The following PLA2G2F variants were observed in gnomAD, a reference collection of about 807,000 sequenced individuals.
The protein encoded by PLA2G2F is phospholipase A2 group IIF, also known as group IIF secretory phospholipase A2.
PLA2G2F carries 17 observed loss-of-function variants against 15.9 expected under a neutral mutation model. The ratio of observed to expected loss-of-function variants is 1.07; its 90% CI spans 0.73 to 1.60. The LOEUF (loss-of-function observed/expected upper bound fraction) is 1.60. Ranked by LOEUF, PLA2G2F falls within the 40% of genes most tolerant of loss-of-function variation. The pLI is 0.00. For synonymous variants in PLA2G2F, 119 were observed against 106.5 expected (o/e 1.12, Z -0.72); for missense variants, 299 against 278.2 (o/e 1.07, Z -0.53).
rs1475336005 is a variant in PLA2G2F, at chr1:20,148,687, G to C, written c.*286G>C. 1 of 457,530 alleles carries C rather than the reference G, an allele frequency of 2.2e-6. No individual in the cohort carries two copies. Among genetic ancestry groups the C allele is most frequent in the Non-Finnish European group, 3.9e-6 (1 of 254,056 alleles). 28.3% of individuals were successfully genotyped at this position (457,530 alleles called of 1,614,324 possible). A position where few individuals can be genotyped will look rare whatever the true frequency, so the allele number is the denominator to read the frequency against. ...AGGGTGGCCGGGGAGACCTGAGAGA[G>C]AGGAGGAGGGGCCTCTGAGTGGGGC... On this transcript the variant is annotated 3_prime_UTR_variant, in exon 5 of 5. Transcript: ENST00000375102.
Position 20,144,689 on chromosome 1 carries a change from A to C in PLA2G2F, c.424A>C (p.Ser142Arg). The change falls in exon 4 of 5, where the codon AGT (serine) becomes CGT (arginine). Residue 142 changes from serine (S) to arginine (R), a missense_variant and splice_region_variant. Physicochemically the swap from Ser to Arg is moderately radical, Grantham distance 110. Transcript: ENST00000375102. ...CGAGAACAACACTGAGATAGTCTGC[A>C]GTGAGTCCCTCCCCTGTCACCTGGG... is the stretch of plus-strand genomic sequence containing the variant. Reference protein sequence around the residue: ...TIENNTEIVCSDLNKTECDKQ... With the variant: ...TIENNTEIVCRDLNKTECDKQ... 6.3e-7 allele frequency: 1 copy of C among 1,595,976 alleles called. No homozygotes were observed.
chr1:20,148,326 C>A lies in PLA2G2F; in HGVS notation c.561C>A (p.Asn187Lys). The change falls in exon 5 of 5, where the codon AAC (asparagine) becomes AAA (lysine). Residue 187 changes from asparagine (N) to lysine (K), a missense_variant. Asn to Lys is a moderately conservative substitution (Grantham distance 94). Transcript: ENST00000375102. ...TCTACTGCCAGGGCCCCACGCCCAA[C>A]TGCAGCATCTATGAACCGCCCCCTG... ...LNVYCQGPTPNCSIYEPPPEE... is the reference protein window; with the variant it reads ...LNVYCQGPTPKCSIYEPPPEE... The A allele has an allele frequency of 1.2e-6, 2 of 1,614,136 alleles. No homozygotes were observed. Among genetic ancestry groups the A allele is most frequent in the Non-Finnish European group, 1.7e-6 (2 of 1,180,014 alleles).
intron 3 of PLA2G2F, among the ~76,000 whole-genome samples, chr1:20,144,285 G>T (rs922362203): frequency 6.6e-6 from 1 of 152,172 alleles, no homozygotes; most frequent in Non-Finnish European, 1.5e-5. Flanking sequence ...CTGCAGCCGG[G>T]GCTCTGGGGG....
At chr1:20,143,699 G>C in intron 3 of PLA2G2F, 109 bp downstream of exon 3, 1 of 1,364,188 alleles carries the variant, frequency 7.3e-7, no homozygotes, top group South Asian at 1.4e-5. Flanking sequence ...TTCCCCAAAG[G>C]ATCCAGCTTC....
Position 20,139,409 on chromosome 1 carries a change from GC to G in PLA2G2F, c.-13del. 2 of 1,538,794 alleles carry G rather than the reference GC, an allele frequency of 1.3e-6. No homozygotes were observed. Among genetic ancestry groups the G allele is most frequent in the Admixed American group, 2.0e-5 (1 of 51,098 alleles). On this transcript the variant is annotated 5_prime_UTR_variant, in exon 1 of 5. Transcript: ENST00000375102. ...AGACCTTCTGAGACCTATGTTGCTG[GC>G]CCCCCAGAACCCGCAACATGGCAGA...
At chr1:20,143,654 C>A in intron 3 of PLA2G2F, 64 bp downstream of exon 3, 1 of 1,574,080 alleles carries the variant, frequency 6.4e-7, no homozygotes, top group South Asian at 1.1e-5. Context: ...GTCAGACTGA[C>A]CTTGCCCTCC....
At chr1:20,144,411 G>A (rs935349832) in intron 3 of PLA2G2F, among the ~76,000 whole-genome samples, 169 bp from the exon 4 acceptor site, 10 of 152,172 alleles carry the variant, frequency 6.6e-5, no homozygotes, top group Admixed American at 1.3e-4. Context: ...CTGGGGTGCC[G>A]GCCCCAGCTC....
At chr1:20,145,578 C>G (rs1405943184) in intron 4 of PLA2G2F, among the ~76,000 whole-genome samples, 1 of 151,854 alleles carries the variant, frequency 6.6e-6, no homozygotes, top group Non-Finnish European at 1.5e-5. Context: ...CTGCATCCAG[C>G]CAAACATGTA....
chr1:20,148,490 C>T lies in PLA2G2F; in HGVS notation c.*89C>T, dbSNP rs2017661630. 5 of 1,140,648 alleles carry T rather than the reference C, an allele frequency of 4.4e-6. No individual in the cohort carries two copies. Among genetic ancestry groups the T allele is most frequent in the African/African-American group, 3.1e-5 (2 of 65,552 alleles). The allele number at this position is 1,140,648 out of a possible 1,614,324, so 70.7% of individuals were successfully genotyped here. A position where few individuals can be genotyped will look rare whatever the true frequency, so the allele number is the denominator to read the frequency against. On this transcript the variant is annotated 3_prime_UTR_variant, in exon 5 of 5. Coordinates refer to ENST00000375102, the MANE Select transcript of PLA2G2F (RefSeq NM_022819.4). ...GGGAGGGTAGGAGCCAGGCCAGGAG[C>T]CTGAGGGTTGCTGGTTGCCTCCTCC...
chr1:20,139,341 G>A lies in PLA2G2F; in HGVS notation c.-87G>A, dbSNP rs972498341. The A allele has an allele frequency of 5.8e-6, 6 of 1,034,878 alleles. No individual in the cohort carries two copies. The highest frequency in any genetic ancestry group is 2.1e-5 in the Admixed American group (1 of 47,194). The allele number at this position is 1,034,878 out of a possible 1,614,324, so 64.1% of individuals were successfully genotyped here. On this transcript the variant is annotated 5_prime_UTR_variant, in exon 1 of 5. The change creates a new upstream start codon in the 5' untranslated region. Coordinates refer to ENST00000375102, the MANE Select transcript of PLA2G2F (RefSeq NM_022819.4). ...CTCCCCTGCCAGTGTGCGAGGCAGC[G>A]TGAAGCTGGGGCCTGCTCCCCGCAG...
Position 20,143,556 on chromosome 1 carries a change from G to C in PLA2G2F, c.280G>C (p.Gly94Arg). ...GGGCTACGGTTGCTACTGTGGGCTGGGGGGCCGTGGCCAGCCCAAGGATGA... is the reference window on the plus strand; with the variant it reads ...GGGCTACGGTTGCTACTGTGGGCTGCGGGGCCGTGGCCAGCCCAAGGATGA... ...FVGYGCYCGL[G>R]GRGQPKDEVD... Residue 94 changes from glycine to arginine, a missense_variant, in exon 3 of 5, where the codon GGG becomes CGG. Gly to Arg is a moderately radical substitution (Grantham distance 125). Coordinates refer to ENST00000375102, the MANE Select transcript of PLA2G2F (RefSeq NM_022819.4). The C allele has an allele frequency of 6.2e-7, 1 of 1,614,042 alleles. No homozygotes were observed. The highest frequency in any genetic ancestry group is 8.5e-7 in the Non-Finnish European group (1 of 1,179,958).
At chr1:20,139,568 G>A (rs1405189055) in intron 1 of PLA2G2F, 25 bp downstream of exon 1, 1 of 1,454,662 alleles carries the variant, frequency 6.9e-7, no homozygotes, top group Non-Finnish European at 9.2e-7. Context: ...CCCTGAGATG[G>A]AATCCTCCAG....
intron 4 of PLA2G2F, among the ~76,000 whole-genome samples, chr1:20,145,851 TC>T (rs1291520741): frequency 6.6e-6 from 1 of 151,714 alleles, no homozygotes; most frequent in Non-Finnish European, 1.5e-5. Context: ...CCTCCAGCAA[TC>T]CTACTTCTGC....
At chr1:20,143,705 G>C in intron 3 of PLA2G2F, 115 bp downstream of exon 3, 1 of 1,333,274 alleles carries the variant, frequency 7.5e-7, no homozygotes, top group Non-Finnish European at 1.0e-6. Flanking sequence ...AAAGGATCCA[G>C]CTTCTTTGAT....
Position 20,139,388 on chromosome 1 carries a change from C to A in PLA2G2F, c.-40C>A. 3 of 1,475,554 alleles carry A rather than the reference C, an allele frequency of 2.0e-6. No individual in the cohort carries two copies. The highest frequency in any genetic ancestry group is 2.8e-6 in the Non-Finnish European group (3 of 1,077,808). 91.4% of individuals were successfully genotyped at this position (1,475,554 alleles called of 1,614,324 possible). ...GCAGCCTCTGGAGCGCATCTCAGAC[C>A]TTCTGAGACCTATGTTGCTGGCCCC... On this transcript the variant is annotated 5_prime_UTR_variant, in exon 1 of 5. Coordinates refer to ENST00000375102, the MANE Select transcript of PLA2G2F (RefSeq NM_022819.4).
At chr1:20,144,905 C>T (rs545356421) in intron 4 of PLA2G2F, among the ~76,000 whole-genome samples, 3 of 152,254 alleles carry the variant, frequency 2.0e-5, no homozygotes, top group Admixed American at 6.5e-5. Flanking sequence ...GGTGAAAACC[C>T]GTCGCTAGTA....
At chr1:20,144,435 G>A in intron 3 of PLA2G2F, 145 bp from the exon 4 acceptor site, 1 of 655,362 alleles carries the variant, frequency 1.5e-6, no homozygotes, top group Non-Finnish European at 2.7e-6. Flanking sequence ...TTGGCTGTGT[G>A]ACCTCAGACA....
At chr1:20,144,435 G>T (rs2017543014) in intron 3 of PLA2G2F, 145 bp from the exon 4 acceptor site, 1 of 655,362 alleles carries the variant, frequency 1.5e-6, no homozygotes, top group Admixed American at 2.3e-5. Context: ...TTGGCTGTGT[G>T]ACCTCAGACA....
chr1:20,144,506 T>A (rs1044036004), intron 3 of PLA2G2F, 74 bp from the exon 4 acceptor site: 22 of 1,036,120 alleles, frequency 2.1e-5, no homozygotes, highest in African/African-American at 1.7e-4. Context: ...CTGGAAGAGA[T>A]GATCAGAGGT....
Sources: allele counts gnomAD v4.1 joint callset (sites outside exome capture counted in the v4.1 genomes callset), GRCh38; gene constraint gnomAD v4.1.1; transcripts MANE v1.5; gene names NCBI Gene and HGNC (gene_info 2026-07-23, HGNC 2026-07-21).